The following PPP2R1A variants were observed in gnomAD, a reference collection of about 807,000 sequenced individuals.
PPP2R1A encodes serine/threonine-protein phosphatase 2A 65 kDa regulatory subunit A alpha isoform.
In PPP2R1A, 15 loss-of-function variants were observed where a neutral mutation model predicts 67.1. The ratio of observed to expected loss-of-function variants is 0.22; its 90% CI spans 0.15 to 0.34. The LOEUF (loss-of-function observed/expected upper bound fraction) is 0.34. Ranked by LOEUF, PPP2R1A falls within the 10% of genes least tolerant of loss-of-function variation. PPP2R1A has a pLI of 1.00. For synonymous variants in PPP2R1A, 337 were observed against 325.0 expected, an observed-to-expected ratio of 1.04 and a Z score of -0.40; for missense variants, 369 against 775.0, an observed-to-expected ratio of 0.48 and a Z score of 6.22.
In PPP2R1A at chr19:52,212,544, T is replaced by C. The variant is rs2089680134; in HGVS notation, c.504-142T>C. 4.0e-6 allele frequency: 4 copies of C among 1,001,914 alleles called. No individual in the cohort carries two copies. Among genetic ancestry groups the C allele is most frequent in the Non-Finnish European group, 4.3e-6 (3 of 696,320 alleles). 62.1% of individuals were successfully genotyped at this position (1,001,914 alleles called of 1,614,324 possible). ...TACTGTTACTATCAGCTCCGTTTCA[T>C]AGGGCTGGGAAGACAGAGAGGGGGT... On this transcript the variant is annotated intron_variant, in intron 4 of 14. Coordinates refer to ENST00000322088, the MANE Select transcript of PPP2R1A (RefSeq NM_014225.6). The surrounding 1 kb of genome is among the most constrained non-coding windows in gnomAD (Gnocchi z 4.1).
chr19:52,208,415 C>T (rs897452939), intron 3 of PPP2R1A, among the ~76,000 whole-genome samples: 3 of 152,134 alleles, frequency 2.0e-5, no homozygotes, highest in African/African-American at 7.2e-5. Flanking sequence ...GTGATCCACC[C>T]ACCCCGGCCT....
At position 52,226,703 on chromosome 19, in the gene PPP2R1A, A is replaced by G. The variant is rs1979286821; in HGVS notation, c.*722A>G. ...CTTGGAACCAGACTGCCTGGGTCCA[A>G]ATTGTGGCTCCTTCAGTTAATAGAC... On this transcript the variant is annotated 3_prime_UTR_variant, in exon 15 of 15. Transcript: ENST00000322088. 2 of 167,334 alleles carry G rather than the reference A, an allele frequency of 1.2e-5. No individual in the cohort carries two copies. Among genetic ancestry groups the G allele is most frequent in the Admixed American group, 6.4e-5 (1 of 15,626 alleles). 10.4% of individuals were successfully genotyped at this position (167,334 alleles called of 1,614,324 possible).
chr19:52,210,441 A>G (rs2089653592), intron 3 of PPP2R1A, among the ~76,000 whole-genome samples: 1 of 146,822 alleles, frequency 6.8e-6, no homozygotes, highest in Non-Finnish European at 1.5e-5. Flanking sequence ...ACCTGTAGCT[A>G]TTACTAGCTT....
At chr19:52,206,342 G>T (rs73935029) in intron 3 of PPP2R1A, among the ~76,000 whole-genome samples, 6,112 of 152,266 alleles carry the variant, frequency 0.04, 149 homozygotes, top group African/African-American at 0.066. Context: ...GTCAGGTTGG[G>T]TTCTACTGCT....
chr19:52,223,878 C>G (rs1979093934), intron 13 of PPP2R1A, among the ~76,000 whole-genome samples: 2 of 152,124 alleles, frequency 1.3e-5, no homozygotes, highest in Non-Finnish European at 1.5e-5. Context: ...GGGTCTCTAT[C>G]CAGGAGAAAT....
intron 1 of PPP2R1A, 53 bp downstream of exon 1, chr19:52,190,227 C>T (rs754465638): frequency 2.0e-6 from 3 of 1,528,340 alleles, no homozygotes; most frequent in South Asian, 1.2e-5. Context: ...CCTGGGGGCA[C>T]GGGCGGCCCT....
intron 6 of PPP2R1A, among the ~76,000 whole-genome samples, chr19:52,215,356 C>G (rs903748006): frequency 6.6e-6 from 1 of 152,124 alleles, no homozygotes; most frequent in African/African-American, 2.4e-5. Flanking sequence ...TCGCACTTGG[C>G]CTATTGTTTT....
chr19:52,206,102 G>T, intron 3 of PPP2R1A, 39 bp downstream of exon 3: 1 of 1,584,876 alleles, frequency 6.3e-7, no homozygotes, highest in South Asian at 1.1e-5. Context: ...CCACCCCTTA[G>T]GGTCGGCCCA....
Position 52,213,074 on chromosome 19 carries a change from G to T in PPP2R1A, c.771G>T (p.Trp257Cys), listed in dbSNP as rs2122338810. The T allele has an allele frequency of 6.3e-7, 1 of 1,598,668 alleles. No homozygotes were observed. ...GCCAGGCCGCTGAAGACAAGTCCTGGCGCGTCCGCTACATGGTGGCTGACA... is the reference window on the plus strand; with the variant it reads ...GCCAGGCCGCTGAAGACAAGTCCTGTCGCGTCCGCTACATGGTGGCTGACA... ...TLRQAAEDKS[W>C]RVRYMVADKF... is the part of the protein sequence containing the mutation. The change falls in exon 6 of 15, where the codon TGG becomes TGT. Residue 257 changes from tryptophan (W) to cysteine (C), a missense_variant. By Grantham distance (215) the Trp-to-Cys change is radical. This residue lies in a region of PPP2R1A where 276 missense variants were observed against 508.4 expected (regional missense o/e 0.54). Coordinates refer to ENST00000322088, the MANE Select transcript of PPP2R1A (RefSeq NM_014225.6). This position sits in a 1 kb window ranked among gnomAD's most constrained non-coding sequence, Gnocchi z 4.2.
intron 3 of PPP2R1A, 78 bp downstream of exon 3, chr19:52,206,141 G>C (rs1001253319): frequency 7.8e-7 from 1 of 1,280,818 alleles, no homozygotes; most frequent in Non-Finnish European, 1.1e-6. Context: ...GCAGGGAGGG[G>C]AGCGTGTCAG....
At chr19:52,205,856 C>A in intron 2 of PPP2R1A, 107 bp from the exon 3 acceptor site, 1 of 892,870 alleles carries the variant, frequency 1.1e-6, no homozygotes, top group Non-Finnish European at 1.8e-6. Context: ...GATGGAAGAA[C>A]TGAGTGCTGA....
At chr19:52,198,508 A>G (rs990865199) in intron 1 of PPP2R1A, among the ~76,000 whole-genome samples, 3 of 152,046 alleles carry the variant, frequency 2.0e-5, no homozygotes, top group African/African-American at 7.2e-5. Context: ...ACTTAGGTTT[A>G]CCGGTTTATT....
At chr19:52,218,552 G>A (rs10421440) in intron 9 of PPP2R1A, among the ~76,000 whole-genome samples, 16,662 of 152,088 alleles carry the variant, frequency 0.11, 1,091 homozygotes, top group African/African-American at 0.19. Context: ...CAAATTTTAT[G>A]ACTTAAGTAA....
In PPP2R1A at chr19:52,212,605, A is replaced by T. The variant is rs2122333600; in HGVS notation, c.504-81A>T. The T allele has an allele frequency of 6.6e-7, 1 of 1,526,128 alleles. No homozygotes were observed. Among genetic ancestry groups the T allele is most frequent in the Non-Finnish European group, 8.9e-7 (1 of 1,129,442 alleles). 94.5% of individuals were successfully genotyped at this position (1,526,128 alleles called of 1,614,324 possible). A position where few individuals can be genotyped will look rare whatever the true frequency, so the allele number is the denominator to read the frequency against. On this transcript the variant is annotated intron_variant, in intron 4 of 14. Coordinates refer to ENST00000322088, the MANE Select transcript of PPP2R1A (RefSeq NM_014225.6). The surrounding 1 kb of genome is among the most constrained non-coding windows in gnomAD (Gnocchi z 4.1). ...CCAAGGTCATTCAGCTAAAACCTGG[A>T]CCCACACAACTGCAGAGTCTGTGCT...
intron 9 of PPP2R1A, among the ~76,000 whole-genome samples, chr19:52,217,816 C>T (rs886255556): frequency 2.0e-5 from 3 of 152,128 alleles, no homozygotes; most frequent in East Asian, 1.9e-4. Flanking sequence ...GGATGAGAGG[C>T]GGTGCTGGGT....
intron 2 of PPP2R1A, among the ~76,000 whole-genome samples, chr19:52,205,303 T>TC (rs2089590683): frequency 6.6e-6 from 1 of 152,176 alleles, no homozygotes; most frequent in Admixed American, 6.5e-5. Context: ...GAACGGATTT[T>TC]CCCTTCACAT....
chr19:52,214,355 C>T (rs896961218), intron 6 of PPP2R1A, among the ~76,000 whole-genome samples: 4 of 152,072 alleles, frequency 2.6e-5, no homozygotes, highest in Admixed American at 6.6e-5. Flanking sequence ...CTGGCATTTG[C>T]GGGAAGGACT....
chr19:52,196,215 G>C (rs777872736), intron 1 of PPP2R1A, among the ~76,000 whole-genome samples: 1 of 152,182 alleles, frequency 6.6e-6, no homozygotes, highest in Non-Finnish European at 1.5e-5. Context: ...GATATGACAT[G>C]ATCAATGGCC....
intron 2 of PPP2R1A, among the ~76,000 whole-genome samples, chr19:52,202,611 G>C (rs10426066): frequency 0.13 from 19,023 of 152,052 alleles, 1,265 homozygotes; most frequent in Non-Finnish European, 0.14. Context: ...GGTGTAGAGA[G>C]GTGAAGTGAT....
Sources: gnomAD v4.1 joint callset for allele counts (sites outside exome capture counted in the v4.1 genomes callset) on GRCh38, gnomAD v4.1.1 for gene constraint, gnomAD v4.1.1 regional missense constraint, Gnocchi (gnomAD v3.1) non-coding constraint, MANE v1.5 for transcripts, NCBI Gene and HGNC (gene_info 2026-07-23, HGNC 2026-07-21) for gene names.